The following MYH10 variants were observed in gnomAD, a reference collection of about 807,000 sequenced individuals.
The protein encoded by MYH10 is myosin heavy chain 10.
MYH10 carries 55 observed loss-of-function variants against 257.8 expected under a neutral mutation model. The observed-to-expected ratio is 0.21, with a 90% CI of 0.17 to 0.27. MYH10 has a LOEUF of 0.27. MYH10 is among the 10% of genes least tolerant of loss of function. The pLI, the probability that MYH10 is intolerant of heterozygous loss-of-function variation, is 1.00. For missense variants in MYH10, 1,631 were observed against 2,500.6 expected, an observed-to-expected ratio of 0.65 and a Z score of 7.42; for synonymous variants, 854 against 921.7, an observed-to-expected ratio of 0.93 and a Z score of 1.33.
chr17:8,511,024 A>ACGTG (rs1246947001), intron 24 of MYH10: 1 of 3,932 alleles, frequency 2.5e-4, no homozygotes, highest in African/African-American at 3.1e-4. Flanking sequence ...CCATATATAT[A>ACGTG]TATATATATA....
intron 7 of MYH10, among the ~76,000 whole-genome samples, chr17:8,568,235 G>A (rs756080758): frequency 3.3e-5 from 5 of 152,108 alleles, no homozygotes; most frequent in Non-Finnish European, 5.9e-5. Context: ...AACCAATCCT[G>A]CCAACACCTT....
chr17:8,629,477 G>T (rs1293361357), intron 1 of MYH10, among the ~76,000 whole-genome samples: 1 of 152,012 alleles, frequency 6.6e-6, no homozygotes, highest in African/African-American at 2.4e-5. Flanking sequence ...CTGACCCGCC[G>T]AGTCGCCAAC....
At chr17:8,588,992 C>T (rs1279780341) in intron 4 of MYH10, 89 bp downstream of exon 4, 16 of 1,214,126 alleles carry the variant, frequency 1.3e-5, no homozygotes, top group Non-Finnish European at 1.9e-5. Flanking sequence ...AAAATTACTG[C>T]TCTACTTCTC....
rs781478006 is a variant in MYH10 at position 8,499,391 on chromosome 17, A to C, written c.3830T>G (p.Val1277Gly). Residue 1277 changes from valine (V) to glycine (G), a missense_variant, in exon 30 of 43, where the codon GTC becomes GGC. Val to Gly is a moderately radical substitution (Grantham distance 109, BLOSUM62 -3). Transcript: ENST00000360416. Reference protein sequence around the residue: ...LACEVKVLQQVKAESEHKRKK... With the variant: ...LACEVKVLQQGKAESEHKRKK... The stretch of plus-strand genomic sequence containing the variant: ...CCTCTTGTGCTCAGACTCAGCCTTG[A>C]CCTGCTGCAGGACCTTCACCTCACA... The C allele has an allele frequency of 6.2e-7, 1 of 1,614,080 alleles. No individual in the cohort carries two copies. The highest frequency in any genetic ancestry group is 8.5e-7 in the Non-Finnish European group (1 of 1,180,010).
rs578192530 is a variant in MYH10 at position 8,581,575 on chromosome 17, T to C, written c.531-4237A>G. 8.5e-4 allele frequency among the ~76,000 whole-genome samples: 129 copies of C among 152,324 alleles called. 1 individual carries two copies. The highest frequency in any genetic ancestry group is 2.7e-3 in the African/African-American group (112 of 41,570). Reference sequence around the variant, plus strand: ...ACATATTTCGGGTCTAAGGTAACTCTGCTATAGAAAATATGGCTTCAAAGA... The same window carrying C: ...ACATATTTCGGGTCTAAGGTAACTCCGCTATAGAAAATATGGCTTCAAAGA... On this transcript the variant is annotated intron_variant, in intron 4 of 42. Coordinates refer to ENST00000360416, the MANE Select transcript of MYH10 (RefSeq NM_001256012.3).
intron 2 of MYH10, among the ~76,000 whole-genome samples, chr17:8,605,263 A>G (rs1308103544): frequency 6.6e-6 from 1 of 152,210 alleles, no homozygotes; most frequent in Non-Finnish European, 1.5e-5. Context: ...TCACGTGGCT[A>G]TCATAAGGTA....
At chr17:8,526,320 C>G (rs2081844835) in intron 17 of MYH10, among the ~76,000 whole-genome samples, 1 of 152,172 alleles carries the variant, frequency 6.6e-6, no homozygotes, top group Admixed American at 6.5e-5. Flanking sequence ...ACTCCAGCAG[C>G]TCCTTGAAAT....
intron 38 of MYH10, 174 bp from the exon 39 acceptor site, chr17:8,480,699 C>A: frequency 2.5e-6 from 2 of 801,652 alleles, no homozygotes; most frequent in Non-Finnish European, 4.0e-6. Context: ...ATGACACTTC[C>A]AAACACCCTC....
At chr17:8,580,399 AT>A (rs574430985) in intron 4 of MYH10, among the ~76,000 whole-genome samples, 2,233 of 140,630 alleles carry the variant, frequency 0.016, 19 homozygotes, top group African/African-American at 0.036. Flanking sequence ...TATTCATCTT[AT>A]TTTTTTTTTT....
At position 8,602,433 on chromosome 17, in the gene MYH10, C is replaced by T. The variant is rs528408443; in HGVS notation, c.502+2393G>A. 4.9e-4 allele frequency among the ~76,000 whole-genome samples: 74 copies of T among 152,302 alleles called. 1 individual carries two copies. Among genetic ancestry groups the T allele is most frequent in the African/African-American group, 1.4e-3 (58 of 41,560 alleles). On this transcript the variant is annotated intron_variant, in intron 3 of 42. Coordinates refer to ENST00000360416, the MANE Select transcript of MYH10 (RefSeq NM_001256012.3). ...CCAGTGACACTTAGCTATCCATTCA[C>T]ATTTGTAATTGAAGACCTAGATTGA...
At position 8,518,623 on chromosome 17, in the gene MYH10, C is replaced by A; in HGVS notation, c.2504+8G>T. ...CAGTGAACGATTAATTCGTGAATAC[C>A]CACTCACTTTCTGGCCAGGTAACCT... is the stretch of plus-strand genomic sequence containing the variant. On this transcript the variant is annotated splice_region_variant and intron_variant, in intron 21 of 42. Transcript: ENST00000360416. 1 of 1,608,632 alleles carries A rather than the reference C, an allele frequency of 6.2e-7. No individual in the cohort carries two copies. The highest frequency in any genetic ancestry group is 8.5e-7 in the Non-Finnish European group (1 of 1,177,670).
chr17:8,613,572 A>G (rs558517484), intron 2 of MYH10, among the ~76,000 whole-genome samples: 1 of 152,348 alleles, frequency 6.6e-6, no homozygotes, highest in East Asian at 1.9e-4. Context: ...AGAATAGCTA[A>G]GCAAATAGCA....
chr17:8,546,968 G>A (rs936244076), intron 11 of MYH10, among the ~76,000 whole-genome samples: 1 of 152,112 alleles, frequency 6.6e-6, no homozygotes, highest in Non-Finnish European at 1.5e-5. Flanking sequence ...CTATTCACAG[G>A]CATGATCTCA....
chr17:8,592,933 CTATATATATA>C (rs71159601), intron 3 of MYH10, among the ~76,000 whole-genome samples: 1,081 of 44,742 alleles, frequency 0.024, 123 homozygotes, highest in African/African-American at 0.054. Context: ...TCAAATCCAG[CTATATATATA>C]TATATATATA....
At chr17:8,581,757 T>C (rs1259404124) in intron 4 of MYH10, among the ~76,000 whole-genome samples, 3 of 152,208 alleles carry the variant, frequency 2.0e-5, no homozygotes, top group Admixed American at 1.3e-4. Flanking sequence ...TCAATAAACA[T>C]TATCCATTAT....
At chr17:8,563,206 T>C (rs1356225411) in intron 7 of MYH10, among the ~76,000 whole-genome samples, 1 of 152,248 alleles carries the variant, frequency 6.6e-6, no homozygotes, top group Non-Finnish European at 1.5e-5. Context: ...AAAGGCCAGA[T>C]GGCCACCTTA....
intron 28 of MYH10, among the ~76,000 whole-genome samples, chr17:8,503,962 C>A (rs1221204915): frequency 6.6e-6 from 1 of 152,134 alleles, no homozygotes; most frequent in Non-Finnish European, 1.5e-5. Context: ...AGCTGGCACA[C>A]CCCCCATGCT....
intron 11 of MYH10, 86 bp from the exon 12 acceptor site, chr17:8,546,748 G>T: frequency 1.1e-6 from 1 of 951,098 alleles, no homozygotes; most frequent in South Asian, 1.7e-5. Flanking sequence ...AAAAACCTTA[G>T]TAACAATTAA....
At position 8,518,674 on chromosome 17, in the gene MYH10, T is replaced by C; in HGVS notation, c.2461A>G (p.Ile821Val). 1 of 1,614,138 alleles carries C rather than the reference T, an allele frequency of 6.2e-7. No individual in the cohort carries two copies. The highest frequency in any genetic ancestry group is 8.5e-7 in the Non-Finnish European group (1 of 1,180,014). Residue 821 changes from isoleucine (I) to valine (V), a missense_variant, in exon 21 of 43, where the codon ATT (isoleucine) becomes GTT (valine). By Grantham distance (29) the Ile-to-Val change is conservative (BLOSUM62 3). This residue lies in a region of MYH10 where 116 missense variants were observed against 221.6 expected (regional missense o/e 0.52). Coordinates refer to ENST00000360416, the MANE Select transcript of MYH10 (RefSeq NM_001256012.3). Reference sequence around the variant, plus strand: ...CTGCAAACGGCCTGGAAGAAGATAATGATATCGGTGATTTTTAAATCTCTT... The same window carrying C: ...CTGCAAACGGCCTGGAAGAAGATAACGATATCGGTGATTTTTAAATCTCTT... Reference protein sequence around the residue: ...EERDLKITDIIIFFQAVCRGY... With the variant: ...EERDLKITDIVIFFQAVCRGY...
Sources: gnomAD v4.1 joint callset for allele counts (sites outside exome capture counted in the v4.1 genomes callset) on GRCh38, gnomAD v4.1.1 for gene constraint, gnomAD v4.1.1 regional missense constraint, MANE v1.5 for transcripts, NCBI Gene and HGNC (gene_info 2026-07-23, HGNC 2026-07-21) for gene names.